The following HDGFL3 variants were observed in gnomAD, a reference collection of about 807,000 sequenced individuals.
HDGFL3 encodes the protein HDGF like 3, also known as hepatoma-derived growth factor-related protein 3.
HDGFL3 carries 6 observed loss-of-function variants against 27.6 expected under a neutral mutation model. The observed-to-expected ratio is 0.22, with a 90% CI of 0.12 to 0.43. The LOEUF is 0.43. Among genes scored for constraint, HDGFL3 ranks in the 20% least tolerant of loss-of-function variants. HDGFL3 has a pLI of 1.00. For synonymous variants in HDGFL3, 88 were observed against 88.9 expected (o/e 0.99, Z 0.05); for missense variants, 207 against 250.1 (o/e 0.83, Z 1.16).
chr15:83,164,503 T>C (rs1326283931), intron 1 of HDGFL3, among the ~76,000 whole-genome samples: 1 of 152,234 alleles, frequency 6.6e-6, no homozygotes, highest in East Asian at 1.9e-4. Context: ...TGAACTATTA[T>C]GCAGTCATTA....
intron 1 of HDGFL3, among the ~76,000 whole-genome samples, chr15:83,182,170 T>C (rs940620450): frequency 2.0e-5 from 3 of 152,194 alleles, no homozygotes; most frequent in Non-Finnish European, 4.4e-5. Flanking sequence ...GTCATTCTAG[T>C]AGGCATGAAG....
At chr15:83,191,934 CCT>C (rs1491560860) in intron 1 of HDGFL3, among the ~76,000 whole-genome samples, 12 of 144,202 alleles carry the variant, frequency 8.3e-5, no homozygotes, top group African/African-American at 3.1e-4. Flanking sequence ...ACTTATCTCT[CCT>C]TTTTTTTTTT....
chr15:83,178,322 A>G (rs1771069635), intron 1 of HDGFL3, among the ~76,000 whole-genome samples: 2 of 152,232 alleles, frequency 1.3e-5, no homozygotes, highest in South Asian at 4.1e-4. Flanking sequence ...CTGATCTTAA[A>G]AAGATATAGT....
At chr15:83,192,841 G>A (rs2037528663) in intron 1 of HDGFL3, among the ~76,000 whole-genome samples, 2 of 152,096 alleles carry the variant, frequency 1.3e-5, no homozygotes, top group South Asian at 4.1e-4. Context: ...TCAAACACAG[G>A]CATTTTCTGA....
At chr15:83,146,025 C>T (rs1169184307) in intron 5 of HDGFL3, among the ~76,000 whole-genome samples, 2 of 148,676 alleles carry the variant, frequency 1.3e-5, no homozygotes, top group Non-Finnish European at 3.0e-5. Flanking sequence ...ATTTTCATGC[C>T]TCAGCCTCCC....
chr15:83,179,756 T>C (rs1156584086), intron 1 of HDGFL3: 2 of 152,232 alleles, frequency 1.3e-5, no homozygotes, highest in Non-Finnish European at 2.9e-5. Flanking sequence ...ATATTCAGTA[T>C]ATGTTTGTCT....
intron 1 of HDGFL3, among the ~76,000 whole-genome samples, chr15:83,173,951 A>G (rs1043753851): frequency 6.6e-6 from 1 of 152,238 alleles, no homozygotes; most frequent in African/African-American, 2.4e-5. Flanking sequence ...GTACCATCCC[A>G]AAGTCATCTT....
chr15:83,179,507 AGTTGGG>A (rs2151415115), intron 1 of HDGFL3, among the ~76,000 whole-genome samples: 1 of 152,294 alleles, frequency 6.6e-6, no homozygotes, highest in African/African-American at 2.4e-5. Flanking sequence ...TCCAGATGGT[AGTTGGG>A]GGTGAGAAGT....
At chr15:83,127,285 C>T (rs577289814), downstream of HDGFL3, 17 of 1,410,012 alleles carry the variant, frequency 1.2e-5, no homozygotes, top group Admixed American at 3.0e-4. Flanking sequence ...AAAATGTTTA[C>T]TTTTTTGTAC....
intron 5 of HDGFL3, among the ~76,000 whole-genome samples, chr15:83,146,567 A>G (rs1028809852): frequency 6.6e-6 from 1 of 152,162 alleles, no homozygotes; most frequent in African/African-American, 2.4e-5. Flanking sequence ...TCCATGGTCC[A>G]TTGTTATAAT....
At chr15:83,170,291 G>A (rs1044568400) in intron 1 of HDGFL3, among the ~76,000 whole-genome samples, 1 of 151,990 alleles carries the variant, frequency 6.6e-6, no homozygotes, top group African/African-American at 2.4e-5. Flanking sequence ...ACAAAGCCAC[G>A]GGCATCACAT....
rs571019364 is a variant in HDGFL3 at position 83,163,894 on chromosome 15, T to C, written c.161+105A>G. ...ATTAACTTTGGCAATTTTATATAAC[T>C]GATTATAATGATTTTAATAAGACGT... On this transcript the variant is annotated intron_variant, in intron 2 of 5. Coordinates refer to ENST00000299633, the MANE Select transcript of HDGFL3 (RefSeq NM_016073.4). The C allele has an allele frequency of 5.7e-4, 432 of 753,910 alleles. 1 individual carries two copies. The highest frequency in any genetic ancestry group is 4.7e-4 in the Admixed American group (19 of 40,332). The allele number at this position is 753,910 out of a possible 1,614,324, so 46.7% of individuals were successfully genotyped here.
At chr15:83,163,931 G>T in intron 2 of HDGFL3, 68 bp downstream of exon 2, 1 of 981,636 alleles carries the variant, frequency 1.0e-6, no homozygotes, top group South Asian at 1.3e-5. Context: ...AGATGTCAGA[G>T]ATCATCCATA....
In HDGFL3 at chr15:83,136,444, T is replaced by C; in HGVS notation, c.*2826A>G. ...CATCATGCATCCAACTGAACACGTT[T>C]CATGCTTACTCAATTTTTTTTTTTT... On this transcript the variant is annotated 3_prime_UTR_variant, in exon 6 of 6. Coordinates refer to ENST00000299633, the MANE Select transcript of HDGFL3 (RefSeq NM_016073.4). The C allele has an allele frequency of 6.5e-7, 1 of 1,540,350 alleles. No individual in the cohort carries two copies. The highest frequency in any genetic ancestry group is 2.2e-5 in the East Asian group (1 of 44,454).
intron 1 of HDGFL3, among the ~76,000 whole-genome samples, chr15:83,176,623 G>A (rs752152318): frequency 4.6e-5 from 7 of 152,092 alleles, no homozygotes; most frequent in African/African-American, 1.7e-4. Flanking sequence ...CATTAGAAAT[G>A]CTTATTCTCA....
chr15:83,127,247 G>A, downstream of HDGFL3: 2 of 1,146,008 alleles, frequency 1.7e-6, no homozygotes, highest in Non-Finnish European at 2.3e-6. Flanking sequence ...TCCCATATAG[G>A]AAATAGGAAT....
At chr15:83,114,503 A>G (rs553829162) in exon 4 of HDGFL3, 7 of 152,486 alleles carry the variant, frequency 4.6e-5, no homozygotes, top group East Asian at 1.9e-4. Context: ...GACACTGCCA[A>G]TGAGAACTGG....
At chr15:83,189,129 C>G (rs544278549) in intron 1 of HDGFL3, among the ~76,000 whole-genome samples, 1 of 152,270 alleles carries the variant, frequency 6.6e-6, no homozygotes, top group East Asian at 1.9e-4. Flanking sequence ...CCTATCTACT[C>G]CACTATCATC....
intron 2 of HDGFL3, chr15:83,163,742 C>T: frequency 2.3e-6 from 1 of 439,276 alleles, no homozygotes; most frequent in Admixed American, 4.1e-5. Flanking sequence ...TAAAAGTGTC[C>T]TAGAGGAGAC....
Sources: allele counts gnomAD v4.1 joint callset (sites outside exome capture counted in the v4.1 genomes callset), GRCh38; gene constraint gnomAD v4.1.1; transcripts MANE v1.5; gene names NCBI Gene and HGNC (gene_info 2026-07-23, HGNC 2026-07-21).